LGALS3BP: variants seen among roughly 807,000 people sequenced by gnomAD.
LGALS3BP encodes galectin-3-binding protein.
A neutral mutation model predicts 22.9 loss-of-function variants in LGALS3BP; 25 were observed. The observed-to-expected ratio is 1.09, with a 90% CI of 0.80 to 1.53. LGALS3BP has a LOEUF of 1.53. Ranked by LOEUF, LGALS3BP falls within the 40% of genes most tolerant of loss-of-function variation. The pLI is 0.00. For synonymous variants in LGALS3BP, 335 were observed against 331.1 expected (o/e 1.01, Z -0.13); for missense variants, 718 against 752.0 (o/e 0.95, Z 0.53).
In LGALS3BP at chr17:78,977,039, C is replaced by CG. The variant is rs751519010; in HGVS notation, c.52+100_52+101insC. ...AGAAGATCTGGCTAACCGCTGGGCCCCGGGCCCCAGGCAGAATATCTCCTT... is the reference window on the plus strand; with the variant it reads ...AGAAGATCTGGCTAACCGCTGGGCCCGCGGGCCCCAGGCAGAATATCTCCTT... On this transcript the variant is annotated intron_variant, in intron 2 of 5. Coordinates refer to ENST00000262776, the MANE Select transcript of LGALS3BP (RefSeq NM_005567.4). 3 of 1,281,970 alleles carry CG rather than the reference C, an allele frequency of 2.3e-6. No individual in the cohort carries two copies. In the South Asian group the frequency reaches 3.7e-5, roughly 16 times the overall value. The allele number at this position is 1,281,970 out of a possible 1,614,324, so 79.4% of individuals were successfully genotyped here.
At chr17:78,978,993 T>G (rs539034883) in intron 1 of LGALS3BP, among the ~76,000 whole-genome samples, 15 of 152,020 alleles carry the variant, frequency 9.9e-5, no homozygotes, top group Non-Finnish European at 2.1e-4. Context: ...CAGAATTGCT[T>G]GAATCCGGCA....
chr17:78,976,028 C>T lies in LGALS3BP; in HGVS notation c.181G>A (p.Val61Ile), dbSNP rs760338688. 3.0e-5 allele frequency: 48 copies of T among 1,612,676 alleles called. 1 individual carries two copies. Among genetic ancestry groups the T allele is most frequent in the East Asian group, 1.6e-4 (7 of 44,878 alleles). The change falls in exon 3 of 6, where the codon GTC (valine) becomes ATC (isoleucine). Residue 61 changes from valine to isoleucine, a missense_variant. Coordinates refer to ENST00000262776, the MANE Select transcript of LGALS3BP (RefSeq NM_005567.4). This position sits in a 1 kb window ranked among gnomAD's most constrained non-coding sequence, Gnocchi z 4.6. ...TTCTCGAAGCCCAGGGCCCGGCAGACGACGCTGGCATCAGTCAGGTCCCAC... is the reference window on the plus strand; with the variant it reads ...TTCTCGAAGCCCAGGGCCCGGCAGATGACGCTGGCATCAGTCAGGTCCCAC... ...NLWDLTDASV[V>I]CRALGFENAT...
In LGALS3BP at chr17:78,971,448, GT is replaced by G; in HGVS notation, c.*127del. 1.2e-6 allele frequency: 1 copy of G among 831,014 alleles called. No homozygotes were observed. Among genetic ancestry groups the G allele is most frequent in the Admixed American group, 2.9e-5 (1 of 34,754 alleles). 51.5% of individuals were successfully genotyped at this position (831,014 alleles called of 1,614,324 possible). ...TAATTTCTTGAAGCTGAGCGCTCAG[GT>G]GAGTAGGGCGACATCTGGTGGCCGG... On this transcript the variant is annotated 3_prime_UTR_variant, in exon 6 of 6. Coordinates refer to ENST00000262776, the MANE Select transcript of LGALS3BP (RefSeq NM_005567.4). The surrounding 1 kb of genome is among the most constrained non-coding windows in gnomAD (Gnocchi z 5.6).
In LGALS3BP at chr17:78,971,725, A is replaced by C. The variant is rs952924385; in HGVS notation, c.1609T>G (p.Phe537Val). 6.2e-7 allele frequency: 1 copy of C among 1,613,922 alleles called. No homozygotes were observed. The highest frequency in any genetic ancestry group is 8.5e-7 in the Non-Finnish European group (1 of 1,180,038). The change falls in exon 6 of 6, where the codon TTC (phenylalanine) becomes GTC (valine). Residue 537 changes from phenylalanine (F) to valine (V), a missense_variant. Coordinates refer to ENST00000262776, the MANE Select transcript of LGALS3BP (RefSeq NM_005567.4). This position sits in a 1 kb window ranked among gnomAD's most constrained non-coding sequence, Gnocchi z 5.6. ...EGLFVADVTD[F>V]EGWKAAIPSA... is the part of the protein sequence containing the mutation. ...GGAATCGCAGCCTTCCAGCCCTCGAAATCGGTGACGTCTGCCACGAAGAGC... is the reference window on the plus strand; with the variant it reads ...GGAATCGCAGCCTTCCAGCCCTCGACATCGGTGACGTCTGCCACGAAGAGC...
In LGALS3BP at chr17:78,976,991, A is replaced by T. The variant is rs1345904552; in HGVS notation, c.52+149T>A. ...AACCTCCAAGTCATCATCACTGGGG[A>T]TACCTGGTGCTTCAAGCAGGAGAGA... On this transcript the variant is annotated intron_variant, in intron 2 of 5. Transcript: ENST00000262776. This position sits in a 1 kb window ranked among gnomAD's most constrained non-coding sequence, Gnocchi z 4.6. 1 of 772,000 alleles carries T rather than the reference A, an allele frequency of 1.3e-6. No homozygotes were observed. The highest frequency in any genetic ancestry group is 2.7e-5 in the East Asian group (1 of 37,242). 47.8% of individuals were successfully genotyped at this position (772,000 alleles called of 1,614,324 possible). A position where few individuals can be genotyped will look rare whatever the true frequency, so the allele number is the denominator to read the frequency against.
chr17:78,974,434 C>T (rs1347876346), intron 4 of LGALS3BP, among the ~76,000 whole-genome samples: 1 of 152,256 alleles, frequency 6.6e-6, no homozygotes, highest in Non-Finnish European at 1.5e-5. Flanking sequence ...CACTGCCCCA[C>T]ACTCGGGTTC....
In LGALS3BP at chr17:78,973,365, G is replaced by C; in HGVS notation, c.377-143C>G. On this transcript the variant is annotated intron_variant, in intron 4 of 5. Coordinates refer to ENST00000262776, the MANE Select transcript of LGALS3BP (RefSeq NM_005567.4). The surrounding 1 kb of genome is among the most constrained non-coding windows in gnomAD (Gnocchi z 5.8). ...GCTCCTGGGAAGACGAGGGACAAGA[G>C]AGACCGGAAGTGTCGGATTCCTGGA... 2 of 1,003,056 alleles carry C rather than the reference G, an allele frequency of 2.0e-6. No individual in the cohort carries two copies. Among genetic ancestry groups the C allele is most frequent in the Non-Finnish European group, 2.8e-6 (2 of 708,952 alleles). 62.1% of individuals were successfully genotyped at this position (1,003,056 alleles called of 1,614,324 possible).
At position 78,971,921 on chromosome 17, in the gene LGALS3BP, G is replaced by A. The variant is rs1436896611; in HGVS notation, c.1413C>T (p.Phe471=). The A allele has an allele frequency of 6.2e-6, 10 of 1,614,008 alleles. No individual in the cohort carries two copies. The highest frequency in any genetic ancestry group is 8.5e-6 in the Non-Finnish European group (10 of 1,180,022). ...GGGACCAGGACACCCTCTTGTCCTG[G>A]AAGAGGAAGCTGGGGTGTTGTGGAG... The part of the protein sequence containing the change: ...FQTPQHPSFL[F]QDKRVSWSLV... Residue 471 remains phenylalanine (F), a synonymous_variant, in exon 6 of 6, where the codon TTC becomes TTT. Transcript: ENST00000262776. The surrounding 1 kb of genome is among the most constrained non-coding windows in gnomAD (Gnocchi z 5.6).
rs561573609 is a variant in LGALS3BP, at chr17:78,973,801, G to A, written c.377-579C>T. Among the ~76,000 whole-genome samples the A allele has an allele frequency of 1.3e-5, 2 of 152,278 alleles. No individual in the cohort carries two copies. Among genetic ancestry groups the A allele is most frequent in the East Asian group, 1.9e-4 (1 of 5,190 alleles). On this transcript the variant is annotated intron_variant, in intron 4 of 5. Transcript: ENST00000262776. This position sits in a 1 kb window ranked among gnomAD's most constrained non-coding sequence, Gnocchi z 5.8. ...AATGAAATCCCATAGGTTTTTCTTCGCCACAAATATAGTAGTTTTGAAGTA... is the reference window on the plus strand; with the variant it reads ...AATGAAATCCCATAGGTTTTTCTTCACCACAAATATAGTAGTTTTGAAGTA...
rs771213668 is a variant in LGALS3BP, at chr17:78,972,669, G to A, written c.665C>T (p.Ser222Leu). ...CAGCTTGTGGAAGCACTTGACTGAC[G>A]ACAGGGTGATGTCAATCCTTCGGGA... Reference protein sequence around the residue: ...FYSRRIDITLSSVKCFHKLAS... With the variant: ...FYSRRIDITLLSVKCFHKLAS... Residue 222 changes from serine to leucine, a missense_variant, in exon 6 of 6, where the codon TCG (serine) becomes TTG (leucine). By Grantham distance (145) the Ser-to-Leu change is moderately radical. Coordinates refer to ENST00000262776, the MANE Select transcript of LGALS3BP (RefSeq NM_005567.4). The surrounding 1 kb of genome is among the most constrained non-coding windows in gnomAD (Gnocchi z 5.1). 1.2e-5 allele frequency: 18 copies of A among 1,523,152 alleles called. No homozygotes were observed. Among genetic ancestry groups the A allele is most frequent in the Middle Eastern group, 1.8e-4 (1 of 5,642 alleles). 94.4% of individuals were successfully genotyped at this position (1,523,152 alleles called of 1,614,324 possible).
Position 78,972,728 on chromosome 17 carries a change from A to G in LGALS3BP, c.630-24T>C, listed in dbSNP as rs1225191321. On this transcript the variant is annotated intron_variant, in intron 5 of 5. Transcript: ENST00000262776. This position sits in a 1 kb window ranked among gnomAD's most constrained non-coding sequence, Gnocchi z 5.1. ...ACCTGGGGAGAAAGAAGGAGAGCAG[A>G]TGCCGGCCCCACAGGACAGCAGGGG... is the stretch of plus-strand genomic sequence containing the variant. 2.6e-6 allele frequency: 4 copies of G among 1,514,516 alleles called. No individual in the cohort carries two copies. The East Asian group carries it at 9.1e-5, about 34-fold the overall frequency. The allele number at this position is 1,514,516 out of a possible 1,614,324, so 93.8% of individuals were successfully genotyped here.
Position 78,973,212 on chromosome 17 carries a change from G to T in LGALS3BP, c.387C>A (p.Ser129Arg). ...AGVVCTNETRSTHTLDLSREL... is the reference protein window; with the variant it reads ...AGVVCTNETRRTHTLDLSREL... ...CCCTGGAGAGGTCCAGGGTGTGGGTGCTCCTGGTTTCTAAGAAGGGGCGGG... is the reference window on the plus strand; with the variant it reads ...CCCTGGAGAGGTCCAGGGTGTGGGTTCTCCTGGTTTCTAAGAAGGGGCGGG... Residue 129 changes from serine to arginine, a missense_variant, in exon 5 of 6, where the codon AGC (serine) becomes AGA (arginine). Ser to Arg is a moderately radical substitution (Grantham distance 110). Coordinates refer to ENST00000262776, the MANE Select transcript of LGALS3BP (RefSeq NM_005567.4). The surrounding 1 kb of genome is among the most constrained non-coding windows in gnomAD (Gnocchi z 5.8). 1 of 1,544,592 alleles carries T rather than the reference G, an allele frequency of 6.5e-7. No homozygotes were observed.
Position 78,977,129 on chromosome 17 carries a change from G to C in LGALS3BP, c.52+11C>G, listed in dbSNP as rs2070727473. 1 of 1,612,988 alleles carries C rather than the reference G, an allele frequency of 6.2e-7. No homozygotes were observed. Among genetic ancestry groups the C allele is most frequent in the Admixed American group, 1.7e-5 (1 of 59,986 alleles). On this transcript the variant is annotated intron_variant, in intron 2 of 5. Transcript: ENST00000262776. ...CTTCTGCTTTTGGTATTTCCCAGGGGCTCAGCTCACCTTGGGTTCCTGCAA... is the reference window on the plus strand; with the variant it reads ...CTTCTGCTTTTGGTATTTCCCAGGGCCTCAGCTCACCTTGGGTTCCTGCAA...
chr17:78,974,676 G>GC lies in LGALS3BP; in HGVS notation c.376+11dup. On this transcript the variant is annotated intron_variant, in intron 4 of 5. Coordinates refer to ENST00000262776, the MANE Select transcript of LGALS3BP (RefSeq NM_005567.4). The stretch of plus-strand genomic sequence containing the variant: ...CACTGGGGCCTCCGCAGGGAGGTGC[G>GC]CCCCCGCTCACCATTGGTGCAGACC... The GC allele has an allele frequency of 1.2e-6, 2 of 1,610,790 alleles. No homozygotes were observed. The highest frequency in any genetic ancestry group is 1.3e-5 in the African/African-American group (1 of 75,010).
At chr17:78,977,406 G>A (rs2070730827) in intron 1 of LGALS3BP, 192 bp from the exon 2 acceptor site, 1 of 579,322 alleles carries the variant, frequency 1.7e-6, no homozygotes, top group African/African-American at 1.9e-5. Flanking sequence ...CCCCTCACCT[G>A]GTCTGCAGTG....
chr17:78,979,759 T>A (rs1599205565), intron 1 of LGALS3BP, 65 bp downstream of exon 1: 1 of 151,120 alleles, frequency 6.6e-6, no homozygotes, highest in African/African-American at 2.4e-5. Flanking sequence ...TCAAAAAAAA[T>A]AAAAATAAAA....
intron 3 of LGALS3BP, among the ~76,000 whole-genome samples, chr17:78,975,398 A>T (rs1224803695): frequency 1.3e-5 from 2 of 152,124 alleles, no homozygotes; most frequent in Non-Finnish European, 2.9e-5. Context: ...GGAGGGAACG[A>T]GCCCAGCCGA....
At position 78,972,419 on chromosome 17, in the gene LGALS3BP, T is replaced by C. The variant is rs750176552; in HGVS notation, c.915A>G (p.Gln305=). 3.1e-6 allele frequency: 5 copies of C among 1,613,276 alleles called. No individual in the cohort carries two copies. Among genetic ancestry groups the C allele is most frequent in the South Asian group, 2.2e-5 (2 of 91,086 alleles). Residue 305 remains glutamine, a synonymous_variant, in exon 6 of 6, where the codon CAA becomes CAG. Coordinates refer to ENST00000262776, the MANE Select transcript of LGALS3BP (RefSeq NM_005567.4). This position sits in a 1 kb window ranked among gnomAD's most constrained non-coding sequence, Gnocchi z 5.1. ...CCAGGTCGCTCCTGGGCAGCAGCAG[T>C]TGGAGCAGGTCTGTGGGGACACTGG... ...AWPSVPTDLL[Q]LLLPRSDLAV... is the part of the protein sequence containing the mutation.
chr17:78,976,180 C>A lies in LGALS3BP; in HGVS notation c.53-24G>T. 1.3e-6 allele frequency: 2 copies of A among 1,535,546 alleles called. No homozygotes were observed. Among genetic ancestry groups the A allele is most frequent in the South Asian group, 1.2e-5 (1 of 81,280 alleles). On this transcript the variant is annotated intron_variant, in intron 2 of 5. Coordinates refer to ENST00000262776, the MANE Select transcript of LGALS3BP (RefSeq NM_005567.4). This position sits in a 1 kb window ranked among gnomAD's most constrained non-coding sequence, Gnocchi z 4.6. The stretch of plus-strand genomic sequence containing the variant: ...GCCTGCAGGCAGAGACCAGCGAGGG[C>A]GAGGCTGGGGCCTGCAGCACCCACC...
Sources: gnomAD v4.1 joint callset for allele counts (sites outside exome capture counted in the v4.1 genomes callset) on GRCh38, gnomAD v4.1.1 for gene constraint, Gnocchi (gnomAD v3.1) non-coding constraint, MANE v1.5 for transcripts, NCBI Gene and HGNC (gene_info 2026-07-23, HGNC 2026-07-21) for gene names.